The following HDAC4 variants were observed in gnomAD, a reference collection of about 807,000 sequenced individuals.
HDAC4 encodes histone deacetylase A.
A neutral mutation model predicts 135.1 loss-of-function variants in HDAC4; 16 were observed. The ratio of observed to expected loss-of-function variants is 0.12; its 90% CI spans 0.08 to 0.18. The LOEUF (loss-of-function observed/expected upper bound fraction) is 0.18, where lower values mean the gene tolerates loss of function less well. Among genes scored for constraint, HDAC4 ranks in the 10% least tolerant of loss-of-function variants. The pLI is 1.00. For synonymous variants in HDAC4, 685 were observed against 653.4 expected (o/e 1.05, Z -0.74); for missense variants, 1,143 against 1,511.8 (o/e 0.76, Z 4.05).
rs778007358 is a variant in HDAC4, at chr2:239,068,503, T to A, written c.2855A>T (p.Asn952Ile). 1 of 1,612,850 alleles carries A rather than the reference T, an allele frequency of 6.2e-7. No individual in the cohort carries two copies. Among genetic ancestry groups the A allele is most frequent in the South Asian group, 1.1e-5 (1 of 91,072 alleles). ...GAACCACTTACATCTGGCGGAGAGGTTGTAGCCCCCAAGAGGGGTGGGGTG... is the reference window on the plus strand; with the variant it reads ...GAACCACTTACATCTGGCGGAGAGGATGTAGCCCCCAAGAGGGGTGGGGTG... The part of the protein sequence containing the change: ...EGHPTPLGGY[N>I]LSARCFGYLT... The change falls in exon 23 of 27, where the codon AAC becomes ATC. Residue 952 changes from asparagine to isoleucine, a missense_variant. Asn to Ile is a moderately radical substitution (Grantham distance 149, BLOSUM62 -3). Around this residue, in one of 9 missense-constraint regions of HDAC4, gnomAD observed 189 missense variants for 317.6 expected, o/e 0.60. Transcript: ENST00000543185. This position sits in a 1 kb window ranked among gnomAD's most constrained non-coding sequence, Gnocchi z 4.4.
chr2:239,107,906 T>C (rs2152783936), intron 15 of HDAC4, 144 bp downstream of exon 15: 2 of 1,012,510 alleles, frequency 2.0e-6, no homozygotes. Context: ...ATGCAGACAG[T>C]GAAGATGCTT....
chr2:239,111,518 C>T lies in HDAC4; in HGVS notation c.1978+8G>A, dbSNP rs200120991. 2.3e-4 allele frequency: 370 copies of T among 1,610,828 alleles called. 4 individuals carry two copies. The South Asian group carries it at 3.3e-3, about 14-fold the overall frequency. ...GCACCCTCAGGCTGCACAAAGGCCA[C>T]GTGTTACCTGTCGTGAACCTCGGCT... On this transcript the variant is annotated splice_region_variant and intron_variant, in intron 14 of 26. Transcript: ENST00000543185.
At position 239,141,900 on chromosome 2, in the gene HDAC4, C is replaced by T. The variant is rs934935574; in HGVS notation, c.866-2104G>A. On this transcript the variant is annotated intron_variant, in intron 8 of 26. Coordinates refer to ENST00000543185, the MANE Select transcript of HDAC4 (RefSeq NM_001378414.1). The surrounding 1 kb of genome is among the most constrained non-coding windows in gnomAD (Gnocchi z 4.9). ...AGGTCTAAGAAAATTCATATAAATG[C>T]ATAATCTTCATAGTATTACTTAGAT... 7.9e-5 allele frequency among the ~76,000 whole-genome samples: 12 copies of T among 152,124 alleles called. No homozygotes were observed. Among genetic ancestry groups the T allele is most frequent in the Non-Finnish European group, 1.3e-4 (9 of 68,030 alleles).
At position 239,176,575 on chromosome 2, in the gene HDAC4, A is replaced by C. The variant is rs1289177653; in HGVS notation, c.340-12T>G. Reference sequence around the variant, plus strand: ...ATCTCCTGTTGTTGCTGCAAGTGGAAGGAGGAGACAGACGGTCAGAGCCCA... The same window carrying C: ...ATCTCCTGTTGTTGCTGCAAGTGGACGGAGGAGACAGACGGTCAGAGCCCA... On this transcript the variant is annotated splice_polypyrimidine_tract_variant and intron_variant, in intron 4 of 26. Transcript: ENST00000543185. The C allele has an allele frequency of 1.2e-6, 2 of 1,611,634 alleles. No individual in the cohort carries two copies. The highest frequency in any genetic ancestry group is 1.1e-5 in the South Asian group (1 of 91,052).
intron 16 of HDAC4, 137 bp downstream of exon 16, chr2:239,102,639 T>C: frequency 2.2e-6 from 2 of 920,598 alleles, no homozygotes; most frequent in Non-Finnish European, 3.4e-6. Context: ...GGGTGAAAGG[T>C]TCCCTTTCAG....
rs902142378 is a variant in HDAC4, at chr2:239,051,477, A to G, written c.*1620T>C. On this transcript the variant is annotated 3_prime_UTR_variant, in exon 27 of 27. Coordinates refer to ENST00000543185, the MANE Select transcript of HDAC4 (RefSeq NM_001378414.1). ...GGAAAAAGATTTAGACATTATTACC[A>G]TTCAGAAAATTGCTAAATGGTGAGG... 6.6e-6 allele frequency: 1 copy of G among 152,654 alleles called. No individual in the cohort carries two copies. The highest frequency in any genetic ancestry group is 6.5e-5 in the Admixed American group (1 of 15,308). 9.5% of individuals were successfully genotyped at this position (152,654 alleles called of 1,614,324 possible).
chr2:239,179,324 T>A (rs943773980), intron 4 of HDAC4, among the ~76,000 whole-genome samples: 2 of 152,162 alleles, frequency 1.3e-5, no homozygotes, highest in Admixed American at 6.5e-5. Flanking sequence ...GTCCCTGGCC[T>A]GTTAGGAAAT....
chr2:239,185,895 G>A (rs1468872828), intron 4 of HDAC4, among the ~76,000 whole-genome samples: 7 of 152,190 alleles, frequency 4.6e-5, no homozygotes, highest in Non-Finnish European at 8.8e-5. Flanking sequence ...GCAGCAGGGT[G>A]TGGTGGTGCA....
At chr2:239,129,873 T>C (rs904462036) in intron 11 of HDAC4, among the ~76,000 whole-genome samples, 3 of 152,116 alleles carry the variant, frequency 2.0e-5, no homozygotes, top group African/African-American at 7.2e-5. Context: ...AGTGTGCAAA[T>C]GCATCACTTA....
chr2:239,287,159 G>C (rs1559330027), intron 2 of HDAC4, among the ~76,000 whole-genome samples: 1 of 152,180 alleles, frequency 6.6e-6, no homozygotes, highest in East Asian at 1.9e-4. Context: ...CCATCAGCAT[G>C]AACTGCAGCC....
rs561191671 is a variant in HDAC4 at position 239,304,877 on chromosome 2, T to C, written c.22+47801A>G. ...TATATATAATATATATACACACACA[T>C]AGGAGAACGCGAATGACTGGGCACC... On this transcript the variant is annotated intron_variant, in intron 2 of 26. Transcript: ENST00000543185. 2.2e-4 allele frequency among the ~76,000 whole-genome samples: 33 copies of C among 152,072 alleles called. 1 individual carries two copies. Among genetic ancestry groups the C allele is most frequent in the Middle Eastern group, 6.8e-3 (2 of 294 alleles).
chr2:239,167,327 G>C lies in HDAC4; in HGVS notation c.491-3404C>G, dbSNP rs2043174738. Among the ~76,000 whole-genome samples, 1 of 152,144 alleles carries C rather than the reference G, an allele frequency of 6.6e-6. No individual in the cohort carries two copies. Among genetic ancestry groups the C allele is most frequent in the Non-Finnish European group, 1.5e-5 (1 of 68,032 alleles). On this transcript the variant is annotated intron_variant, in intron 5 of 26. Coordinates refer to ENST00000543185, the MANE Select transcript of HDAC4 (RefSeq NM_001378414.1). This position sits in a 1 kb window ranked among gnomAD's most constrained non-coding sequence, Gnocchi z 4.1. ...TCCCTGCTTCTGCAAACACCATTCGGTGGCAAAGGGTGACTTGGCCACAAG... is the reference window on the plus strand; with the variant it reads ...TCCCTGCTTCTGCAAACACCATTCGCTGGCAAAGGGTGACTTGGCCACAAG...
At chr2:239,188,008 C>A (rs1043334915) in intron 4 of HDAC4, among the ~76,000 whole-genome samples, 1 of 152,354 alleles carries the variant, frequency 6.6e-6, no homozygotes, top group Admixed American at 6.5e-5. Context: ...AACTCCCAAG[C>A]CAACAAATGC....
rs2041247004 is a variant in HDAC4, at chr2:239,139,941, T to C, written c.866-145A>G. 1.6e-6 allele frequency: 1 copy of C among 634,252 alleles called. No individual in the cohort carries two copies. The highest frequency in any genetic ancestry group is 1.8e-5 in the African/African-American group (1 of 54,622). The allele number at this position is 634,252 out of a possible 1,614,324, so 39.3% of individuals were successfully genotyped here. Reference sequence around the variant, plus strand: ...AGTCCCAACAAAAAGAACATGGCCATGGTTTCAAAAAAGAAAGTATGATGC... The same window carrying C: ...AGTCCCAACAAAAAGAACATGGCCACGGTTTCAAAAAAGAAAGTATGATGC... On this transcript the variant is annotated intron_variant, in intron 8 of 26. Transcript: ENST00000543185. The surrounding 1 kb of genome is among the most constrained non-coding windows in gnomAD (Gnocchi z 5.3).
At chr2:239,129,528 T>C (rs1315963136) in intron 11 of HDAC4, among the ~76,000 whole-genome samples, 1 of 151,578 alleles carries the variant, frequency 6.6e-6, no homozygotes. Context: ...TTAGCCAGGG[T>C]TTTTCCAGCT....
At chr2:239,122,233 C>T (rs1196295670) in intron 12 of HDAC4, among the ~76,000 whole-genome samples, 1 of 152,228 alleles carries the variant, frequency 6.6e-6, no homozygotes, top group Admixed American at 6.5e-5. Context: ...CTGCAGGAGG[C>T]AGGTTCTTGT....
At chr2:239,230,865 C>T (rs887774058) in intron 3 of HDAC4, among the ~76,000 whole-genome samples, 2 of 152,154 alleles carry the variant, frequency 1.3e-5, no homozygotes, top group African/African-American at 2.4e-5. Context: ...TTCTTCTCAC[C>T]AAACGAAACA....
chr2:239,223,648 G>A (rs1198213067), intron 3 of HDAC4, among the ~76,000 whole-genome samples: 1 of 152,114 alleles, frequency 6.6e-6, no homozygotes, highest in Admixed American at 6.5e-5. Flanking sequence ...AAGGGGACCT[G>A]TGGCCATCAG....
At chr2:239,270,032 A>G (rs780023263) in intron 2 of HDAC4, among the ~76,000 whole-genome samples, 9 of 152,176 alleles carry the variant, frequency 5.9e-5, no homozygotes, top group Non-Finnish European at 1.3e-4. Flanking sequence ...CAACTCTGAG[A>G]GAGAGTCAAC....
Sources: gnomAD v4.1 joint callset for allele counts (sites outside exome capture counted in the v4.1 genomes callset) on GRCh38, gnomAD v4.1.1 for gene constraint, gnomAD v4.1.1 regional missense constraint, Gnocchi (gnomAD v3.1) non-coding constraint, MANE v1.5 for transcripts, NCBI Gene and HGNC (gene_info 2026-07-23, HGNC 2026-07-21) for gene names.